The following ARHGEF10L variants were observed in gnomAD, a reference collection of about 807,000 sequenced individuals.
The protein encoded by ARHGEF10L is rho guanine nucleotide exchange factor 10-like protein.
ARHGEF10L carries 69 observed loss-of-function variants against 141.2 expected under a neutral mutation model. That is an observed-to-expected ratio of 0.49 (90% CI 0.40 to 0.60). The LOEUF is 0.60. Ranked by LOEUF, ARHGEF10L falls within the 20% of genes least tolerant of loss-of-function variation. The probability of loss-of-function intolerance (pLI) is 0.00; values close to 1 mark genes in which losing one functional copy is unlikely to be tolerated. For synonymous variants in ARHGEF10L, 711 were observed against 718.5 expected (o/e 0.99, Z 0.17); for missense variants, 1,482 against 1,734.3 (o/e 0.85, Z 2.58).
intron 26 of ARHGEF10L, among the ~76,000 whole-genome samples, chr1:17,676,323 A>G (rs1220583298): frequency 1.0e-5 from 1 of 99,776 alleles, no homozygotes; most frequent in African/African-American, 4.0e-5. Context: ...GTACAGGTGT[A>G]TGTTCACGTG....
At chr1:17,677,603 A>AG (rs982032759) in intron 26 of ARHGEF10L, among the ~76,000 whole-genome samples, 82 of 151,628 alleles carry the variant, frequency 5.4e-4, no homozygotes, top group East Asian at 1.6e-3. Context: ...GAGGGAGATC[A>AG]GGGGGGGAGA....
intron 21 of ARHGEF10L, among the ~76,000 whole-genome samples, chr1:17,647,725 A>G (rs1171167554): frequency 6.6e-6 from 1 of 152,030 alleles, no homozygotes; most frequent in Non-Finnish European, 1.5e-5. Flanking sequence ...GGAAAGTAAG[A>G]CAGGGTCTTT....
In ARHGEF10L at chr1:17,640,273, A is replaced by C; in HGVS notation, c.2243A>C (p.Asn748Thr). Residue 748 changes from asparagine to threonine, a missense_variant, in exon 21 of 29, where the codon AAC becomes ACC. Physicochemically the swap from Asn to Thr is moderately conservative, Grantham distance 65 (BLOSUM62 0). Transcript: ENST00000361221. ...CCCCTGAGCAAGATTTCCTGGGTCA[A>C]CAGGTTACATTTGGCCAAAATCGGA... is the stretch of plus-strand genomic sequence containing the variant. ...PNPLSKISWV[N>T]RLHLAKIGLR... 6.2e-7 allele frequency: 1 copy of C among 1,613,248 alleles called. No homozygotes were observed. The highest frequency in any genetic ancestry group is 8.5e-7 in the Non-Finnish European group (1 of 1,179,710).
At chr1:17,553,555 G>T (rs2077193004) in intron 1 of ARHGEF10L, among the ~76,000 whole-genome samples, 1 of 152,080 alleles carries the variant, frequency 6.6e-6, no homozygotes, top group Non-Finnish European at 1.5e-5. Context: ...GCTGAGGTGG[G>T]AGTGTCGCTT....
chr1:17,536,091 A>G (rs1040068276), upstream of ARHGEF10L, among the ~76,000 whole-genome samples: 12 of 152,324 alleles, frequency 7.9e-5, no homozygotes, highest in Admixed American at 1.3e-4. Flanking sequence ...GCAGTTAACC[A>G]TAGTGTCTGG....
intron 15 of ARHGEF10L, among the ~76,000 whole-genome samples, chr1:17,628,971 C>G (rs368072199): frequency 2.6e-5 from 4 of 152,178 alleles, no homozygotes; most frequent in African/African-American, 4.8e-5. Context: ...TGCTTCAGGC[C>G]AAATTCAGGT....
chr1:17,559,477 A>G (rs1200203106), intron 1 of ARHGEF10L, among the ~76,000 whole-genome samples: 2 of 152,096 alleles, frequency 1.3e-5, no homozygotes, highest in Non-Finnish European at 2.9e-5. Flanking sequence ...CAGATTTGTC[A>G]TCTGTGAATA....
chr1:17,689,450 T>C (rs2064881299), intron 27 of ARHGEF10L, among the ~76,000 whole-genome samples: 1 of 144,448 alleles, frequency 6.9e-6, no homozygotes, highest in Non-Finnish European at 1.5e-5. Context: ...GTTGCCTCCT[T>C]CCCCCTCTCT....
At chr1:17,646,311 T>C (rs911563756) in intron 21 of ARHGEF10L, among the ~76,000 whole-genome samples, 1 of 152,226 alleles carries the variant, frequency 6.6e-6, no homozygotes, top group Non-Finnish European at 1.5e-5. Flanking sequence ...TGTCCAGCCC[T>C]TCTCTCTGAC....
At chr1:17,591,741 A>C (rs2079564142) in intron 4 of ARHGEF10L, among the ~76,000 whole-genome samples, 1 of 148,156 alleles carries the variant, frequency 6.7e-6, no homozygotes, top group African/African-American at 2.5e-5. Context: ...AGAGATGGAG[A>C]TCTCACTCTG....
intron 2 of ARHGEF10L, among the ~76,000 whole-genome samples, chr1:17,586,932 G>A (rs953209967): frequency 2.0e-5 from 3 of 152,160 alleles, no homozygotes; most frequent in African/African-American, 4.8e-5. Flanking sequence ...CCCTGCCCCA[G>A]CCAGTCTGTG....
rs761922128 is a variant in ARHGEF10L at position 17,697,016 on chromosome 1, G to T, written c.3476G>T (p.Ser1159Ile). 6.2e-7 allele frequency: 1 copy of T among 1,608,018 alleles called. No homozygotes were observed. The highest frequency in any genetic ancestry group is 8.5e-7 in the Non-Finnish European group (1 of 1,177,574). Reference protein sequence around the residue: ...DGQAHEPMPDSHVGRELTRKK... With the variant: ...DGQAHEPMPDIHVGRELTRKK... ...CAGGCACACGAGCCCATGCCCGATA[G>T]CCACGTGGGCCGAGAGCTGACCCGC... is the stretch of plus-strand genomic sequence containing the variant. The change falls in exon 29 of 29, where the codon AGC becomes ATC. Residue 1159 changes from serine to isoleucine, a missense_variant. By Grantham distance (142) the Ser-to-Ile change is moderately radical. Coordinates refer to ENST00000361221, the MANE Select transcript of ARHGEF10L (RefSeq NM_018125.4). The surrounding 1 kb of genome is among the most constrained non-coding windows in gnomAD (Gnocchi z 4.8).
chr1:17,515,285 T>C, the ARHGEF10L span, among the ~76,000 whole-genome samples: 126 of 135,260 alleles, frequency 9.3e-4, no homozygotes, highest in Non-Finnish European at 1.5e-3. Flanking sequence ...TTATTTCTTT[T>C]TCTCTCTTTT....
chr1:17,624,321 C>A, intron 12 of ARHGEF10L, 66 bp from the exon 13 acceptor site: 1 of 1,340,966 alleles, frequency 7.5e-7, no homozygotes. Flanking sequence ...TGGCCCACAC[C>A]TGCCTCGTTT....
intron 1 of ARHGEF10L, among the ~76,000 whole-genome samples, chr1:17,542,894 T>C (rs1033701377): frequency 6.6e-6 from 1 of 152,198 alleles, no homozygotes; most frequent in African/African-American, 2.4e-5. Context: ...CACAACTGTC[T>C]CCAGTGCCTT....
the ARHGEF10L span, among the ~76,000 whole-genome samples, chr1:17,529,895 C>T: frequency 9.4e-5 from 13 of 138,368 alleles, 1 homozygote; most frequent in Admixed American, 6.3e-4. Context: ...TGCAGTGTGA[C>T]GATCTCGGCT....
At position 17,676,510 on chromosome 1, in the gene ARHGEF10L, C is replaced by T. The variant is rs561932451; in HGVS notation, c.3010-11063C>T. Among the ~76,000 whole-genome samples, 13 of 152,042 alleles carry T rather than the reference C, an allele frequency of 8.6e-5. No individual in the cohort carries two copies. The East Asian group carries it at 9.7e-4, about 11-fold the overall frequency. ...ATTCCACCATTCAATATCATGCAGG[C>T]GAGGCCTGCAGGCTCCATGTGGCTC... On this transcript the variant is annotated intron_variant, in intron 26 of 28. Transcript: ENST00000361221.
chr1:17,588,902 T>TGTGTGTGTGTGTGGGGGGG (rs2079285061), intron 4 of ARHGEF10L, among the ~76,000 whole-genome samples: 1 of 1,944 alleles, frequency 5.1e-4, no homozygotes. Context: ...GTGTGTGTAG[T>TGTGTGTGTGTGTGGGGGGG]GGGGGAGGTT....
intron 1 of ARHGEF10L, among the ~76,000 whole-genome samples, chr1:17,578,307 A>T (rs962043458): frequency 6.6e-6 from 1 of 152,128 alleles, no homozygotes; most frequent in Non-Finnish European, 1.5e-5. Context: ...TGCTGAAGTA[A>T]AAGTTTAGTC....
Sources: allele counts gnomAD v4.1 joint callset (sites outside exome capture counted in the v4.1 genomes callset), GRCh38; gene constraint gnomAD v4.1.1; non-coding constraint Gnocchi (gnomAD v3.1); transcripts MANE v1.5; gene names NCBI Gene and HGNC (gene_info 2026-07-23, HGNC 2026-07-21).